SND1: variants seen among roughly 807,000 people sequenced by gnomAD.
SND1 encodes the protein staphylococcal nuclease domain-containing protein 1.
SND1 carries 38 observed loss-of-function variants against 121.7 expected under a neutral mutation model. The observed-to-expected ratio is 0.31, with a 90% CI of 0.24 to 0.41. The LOEUF (loss-of-function observed/expected upper bound fraction) is 0.41, where lower values mean the gene tolerates loss of function less well. SND1 is among the 10% of genes least tolerant of loss of function. The pLI is 1.00. For missense variants in SND1, 868 were observed against 1,184.6 expected, an observed-to-expected ratio of 0.73 and a Z score of 3.92; for synonymous variants, 401 against 447.4, an observed-to-expected ratio of 0.90 and a Z score of 1.31.
At chr7:127,847,062 G>A (rs926559516) in intron 12 of SND1, among the ~76,000 whole-genome samples, 2 of 152,120 alleles carry the variant, frequency 1.3e-5, no homozygotes, top group East Asian at 1.9e-4. Flanking sequence ...GAGATCAGGA[G>A]TTTGAGAGTA....
intron 16 of SND1, among the ~76,000 whole-genome samples, chr7:128,062,079 C>T (rs1793240419): frequency 6.6e-6 from 1 of 152,248 alleles, no homozygotes; most frequent in Admixed American, 6.5e-5. Context: ...CTAAAGGCAG[C>T]TCCTTAGTCG....
At chr7:127,985,064 TTTGCTACCC>T (rs1802353789) in intron 15 of SND1, among the ~76,000 whole-genome samples, 1 of 152,212 alleles carries the variant, frequency 6.6e-6, no homozygotes, top group South Asian at 2.1e-4. Flanking sequence ...TGACTGCACA[TTTGCTACCC>T]TTGAAGCTGC....
intron 12 of SND1, among the ~76,000 whole-genome samples, chr7:127,870,627 T>C (rs925036042): frequency 6.6e-6 from 1 of 152,110 alleles, no homozygotes; most frequent in African/African-American, 2.4e-5. Context: ...CATCTAAACA[T>C]AGAAAAGGTA....
chr7:128,051,906 A>G (rs1168858108), intron 16 of SND1, among the ~76,000 whole-genome samples: 1 of 152,206 alleles, frequency 6.6e-6, no homozygotes, highest in African/African-American at 2.4e-5. Flanking sequence ...TCTAAAAGTC[A>G]TCCACTGGTA....
chr7:127,924,191 C>G (rs1249193529), intron 14 of SND1, among the ~76,000 whole-genome samples: 1 of 151,966 alleles, frequency 6.6e-6, no homozygotes, highest in African/African-American at 2.4e-5. Flanking sequence ...CCAGGGAGGC[C>G]CATCAGGATT....
At chr7:127,809,307 C>A (rs764506020) in intron 11 of SND1, among the ~76,000 whole-genome samples, 10 of 152,150 alleles carry the variant, frequency 6.6e-5, no homozygotes, top group Non-Finnish European at 1.5e-4. Context: ...TTTTGTTCCC[C>A]AGAGTGACAT....
chr7:127,684,338 C>T (rs537459797), intron 1 of SND1, among the ~76,000 whole-genome samples: 109 of 152,276 alleles, frequency 7.2e-4, no homozygotes, highest in African/African-American at 2.5e-3. Context: ...AATTGAGCAG[C>T]AAGCACTAGA....
At chr7:127,673,607 C>T (rs1433183330) in intron 1 of SND1, among the ~76,000 whole-genome samples, 3 of 152,168 alleles carry the variant, frequency 2.0e-5, no homozygotes, top group Non-Finnish European at 4.4e-5. Context: ...CCACTGTGCC[C>T]GGCCTCTATT....
chr7:127,997,986 T>C (rs939440773), intron 16 of SND1: 1 of 534,250 alleles, frequency 1.9e-6, no homozygotes, highest in Admixed American at 1.9e-5. Context: ...CACTTACCAA[T>C]AGTATACAAG....
rs536782386 is a variant in SND1 at position 127,663,233 on chromosome 7, C to T, written c.78+10782C>T. On this transcript the variant is annotated intron_variant, in intron 1 of 23. Transcript: ENST00000354725. ...TCTAGGTTACTAATAATACCTAATACAGTGTAAATGCTATGTAGATAGTTG... is the reference window on the plus strand; with the variant it reads ...TCTAGGTTACTAATAATACCTAATATAGTGTAAATGCTATGTAGATAGTTG... Among the ~76,000 whole-genome samples, 109 of 152,184 alleles carry T rather than the reference C, an allele frequency of 7.2e-4. 1 individual carries two copies. Among genetic ancestry groups the T allele is most frequent in the African/African-American group, 2.5e-3 (102 of 41,512 alleles).
At chr7:127,943,234 A>G (rs1030299400) in intron 15 of SND1, among the ~76,000 whole-genome samples, 12 of 152,226 alleles carry the variant, frequency 7.9e-5, no homozygotes, top group African/African-American at 2.9e-4. Flanking sequence ...CTATTGATTC[A>G]TAGTTTCTAA....
In SND1 at chr7:128,001,919, G is replaced by A. The variant is rs563236851; in HGVS notation, c.1779+10863G>A. 8.1e-4 allele frequency among the ~76,000 whole-genome samples: 124 copies of A among 152,168 alleles called. 1 individual carries two copies. Among genetic ancestry groups the A allele is most frequent in the Admixed American group, 2.2e-3 (33 of 15,288 alleles). ...GCACTCCAGTCTTGGCAACAAGAGC[G>A]AAACTCCATCTCAAAAACAAAAAAA... is the stretch of plus-strand genomic sequence containing the variant. On this transcript the variant is annotated intron_variant, in intron 16 of 23. Coordinates refer to ENST00000354725, the MANE Select transcript of SND1 (RefSeq NM_014390.4).
intron 16 of SND1, chr7:128,027,221 T>C (rs1336763474): frequency 6.8e-6 from 1 of 147,598 alleles, no homozygotes; most frequent in Admixed American, 6.9e-5. Flanking sequence ...AAATAATAAC[T>C]GAAAGAAGTT....
intron 14 of SND1, among the ~76,000 whole-genome samples, chr7:127,928,438 T>G (rs1800893439): frequency 6.6e-6 from 1 of 151,906 alleles, no homozygotes; most frequent in Non-Finnish European, 1.5e-5. Context: ...CATAACCTAT[T>G]TAAAGATAAA....
intron 10 of SND1, among the ~76,000 whole-genome samples, chr7:127,789,031 G>C (rs1364725309): frequency 2.0e-5 from 3 of 152,174 alleles, no homozygotes; most frequent in Non-Finnish European, 4.4e-5. Flanking sequence ...TTGAGAACCA[G>C]CATCTCCAGT....
At chr7:127,891,355 A>G (rs1156895824) in intron 13 of SND1, among the ~76,000 whole-genome samples, 2 of 152,048 alleles carry the variant, frequency 1.3e-5, no homozygotes, top group Non-Finnish European at 1.5e-5. Context: ...ACACTTTTCA[A>G]GACCACTTAT....
chr7:127,842,248 A>C (rs1367891855), intron 11 of SND1, among the ~76,000 whole-genome samples: 1 of 152,174 alleles, frequency 6.6e-6, no homozygotes, highest in Non-Finnish European at 1.5e-5. Context: ...ACTGTGGAGA[A>C]GGCTTCCGTC....
At chr7:128,000,111 T>C (rs1303948257) in intron 16 of SND1, 1 of 145,656 alleles carries the variant, frequency 6.9e-6, no homozygotes, top group African/African-American at 2.5e-5. Context: ...TGGAAGCTAA[T>C]ATTTTTAATA....
chr7:127,958,980 G>T lies in SND1; in HGVS notation c.1669+29651G>T, dbSNP rs73455726. ...CTGCTCTTATTATGGTTCTAAGGCA[G>T]TGTTAAATTAGCCAATTAATAAAAA... On this transcript the variant is annotated intron_variant, in intron 15 of 23. Coordinates refer to ENST00000354725, the MANE Select transcript of SND1 (RefSeq NM_014390.4). Among the ~76,000 whole-genome samples the T allele has an allele frequency of 3.3e-3, 499 of 152,306 alleles. 2 individuals are homozygous for T. The highest frequency in any genetic ancestry group is 0.011 in the African/African-American group (440 of 41,564).
Sources: gnomAD v4.1 joint callset for allele counts (sites outside exome capture counted in the v4.1 genomes callset) on GRCh38, gnomAD v4.1.1 for gene constraint, MANE v1.5 for transcripts, NCBI Gene and HGNC (gene_info 2026-07-23, HGNC 2026-07-21) for gene names.